The following SUGCT variants were observed in gnomAD, a reference collection of about 807,000 sequenced individuals.
The protein encoded by SUGCT is succinyl-CoA:glutarate-CoA transferase.
Under a neutral mutation model 55.0 loss-of-function variants are expected in SUGCT, and 41 were observed. The observed-to-expected ratio is 0.74, with a 90% confidence interval of 0.58 to 0.97. SUGCT has a LOEUF of 0.97. SUGCT is among the 50% of genes least tolerant of loss of function. The pLI, the probability that SUGCT is intolerant of heterozygous loss-of-function variation, is 0.00. For synonymous variants in SUGCT, 187 were observed against 200.4 expected (o/e 0.93, Z 0.56); for missense variants, 568 against 547.8 (o/e 1.04, Z -0.37).
the SUGCT span, among the ~76,000 whole-genome samples, chr7:40,956,084 A>T: frequency 6.6e-6 from 1 of 152,074 alleles, no homozygotes; most frequent in Non-Finnish European, 1.5e-5. Flanking sequence ...TTGGCCTGAA[A>T]TTTTCTTTTT....
intron 12 of SUGCT, among the ~76,000 whole-genome samples, chr7:40,726,605 A>G (rs932147094): frequency 6.6e-6 from 1 of 152,228 alleles, no homozygotes; most frequent in Non-Finnish European, 1.5e-5. Flanking sequence ...TTAGGTGTTT[A>G]TAAAGGCCAA....
At chr7:40,217,015 C>G (rs1401153471) in intron 6 of SUGCT, among the ~76,000 whole-genome samples, 1 of 152,030 alleles carries the variant, frequency 6.6e-6, no homozygotes, top group South Asian at 2.1e-4. Flanking sequence ...CATTTCCCCC[C>G]CCTCAGTCTT....
At chr7:40,787,712 C>G (rs1018613271) in intron 13 of SUGCT, among the ~76,000 whole-genome samples, 1 of 141,936 alleles carries the variant, frequency 7.0e-6, no homozygotes, top group Non-Finnish European at 1.5e-5. Context: ...CTCTCTCTAG[C>G]CAAAGAACCA....
chr7:40,383,488 C>T (rs771608807), intron 9 of SUGCT, among the ~76,000 whole-genome samples: 15 of 152,150 alleles, frequency 9.9e-5, no homozygotes, highest in Non-Finnish European at 2.1e-4. Flanking sequence ...TTACAAAGTA[C>T]TTACTATATA....
intron 7 of SUGCT, among the ~76,000 whole-genome samples, chr7:40,245,991 C>T (rs1015150252): frequency 9.2e-5 from 14 of 151,936 alleles, no homozygotes; most frequent in Admixed American, 2.0e-4. Flanking sequence ...CATGCCATCA[C>T]GCTCAGCTAA....
At chr7:41,013,717 G>T in the SUGCT span, among the ~76,000 whole-genome samples, 324 of 151,662 alleles carry the variant, frequency 2.1e-3, 1 homozygote, top group African/African-American at 7.4e-3. Flanking sequence ...ATAAAGTTTT[G>T]ATCAGGACAC....
intron 12 of SUGCT, among the ~76,000 whole-genome samples, chr7:40,583,457 C>T (rs929053802): frequency 6.6e-6 from 1 of 151,790 alleles, no homozygotes; most frequent in South Asian, 2.1e-4. Flanking sequence ...ATATCCTTTC[C>T]GTTGGTAGTT....
the SUGCT span, among the ~76,000 whole-genome samples, chr7:40,984,775 T>G: frequency 3.9e-5 from 6 of 152,178 alleles, no homozygotes; most frequent in South Asian, 1.2e-3. Flanking sequence ...GATGCTGTTT[T>G]TTGTTTGTTT....
the SUGCT span, among the ~76,000 whole-genome samples, chr7:41,034,717 T>G: frequency 1.3e-5 from 2 of 152,212 alleles, no homozygotes; most frequent in Non-Finnish European, 2.9e-5. Context: ...TCATCCTTCT[T>G]AGCTTCTTTT....
intron 1 of SUGCT, among the ~76,000 whole-genome samples, chr7:40,143,068 T>C (rs1438546284): frequency 6.6e-6 from 1 of 152,184 alleles, no homozygotes; most frequent in Admixed American, 6.5e-5. Flanking sequence ...GAAAGACCCA[T>C]AAGAGGCTTC....
intron 11 of SUGCT, among the ~76,000 whole-genome samples, chr7:40,466,303 C>T (rs1203972780): frequency 6.6e-6 from 1 of 152,214 alleles, no homozygotes; most frequent in Non-Finnish European, 1.5e-5. Context: ...CCCAGTGCTA[C>T]TACTTTTAAT....
chr7:40,723,181 G>C (rs967931523), intron 12 of SUGCT, among the ~76,000 whole-genome samples: 2 of 151,712 alleles, frequency 1.3e-5, no homozygotes, highest in African/African-American at 4.8e-5. Context: ...TAGGCACTCA[G>C]CTGGCTCTGT....
chr7:40,333,973 A>T (rs1373364402), intron 9 of SUGCT, among the ~76,000 whole-genome samples: 1 of 151,790 alleles, frequency 6.6e-6, no homozygotes, highest in Non-Finnish European at 1.5e-5. Context: ...TCATTGTTCA[A>T]TTCCCACCTA....
At chr7:40,304,633 AT>A (rs1794744258) in intron 8 of SUGCT, among the ~76,000 whole-genome samples, 3 of 150,754 alleles carry the variant, frequency 2.0e-5, no homozygotes, top group African/African-American at 7.3e-5. Context: ...TATCATTCTT[AT>A]GTCTTTGCAT....
intron 12 of SUGCT, among the ~76,000 whole-genome samples, chr7:40,565,165 A>C (rs1239235638): frequency 6.6e-6 from 1 of 152,222 alleles, no homozygotes; most frequent in East Asian, 1.9e-4. Context: ...TCCTTTTAGT[A>C]GCGTTCTCTC....
chr7:40,829,096 C>A (rs545017090), intron 13 of SUGCT, among the ~76,000 whole-genome samples: 2 of 152,300 alleles, frequency 1.3e-5, no homozygotes, highest in African/African-American at 4.8e-5. Flanking sequence ...GACAGTCCCA[C>A]CAGTGCCATG....
intron 1 of SUGCT, among the ~76,000 whole-genome samples, chr7:40,166,886 CAAA>C (rs34209472): frequency 2.2e-4 from 26 of 118,712 alleles, no homozygotes; most frequent in Admixed American, 3.5e-4. Flanking sequence ...GACTCCACCT[CAAA>C]AAAAAAAAAA....
intron 12 of SUGCT, among the ~76,000 whole-genome samples, chr7:40,505,882 T>C (rs1164182466): frequency 6.6e-6 from 1 of 152,128 alleles, no homozygotes; most frequent in Non-Finnish European, 1.5e-5. Context: ...ATGGTATCTT[T>C]TTCTTATTTC....
chr7:40,448,877 TATAC>T (rs753343945), intron 9 of SUGCT, among the ~76,000 whole-genome samples: 3 of 151,912 alleles, frequency 2.0e-5, no homozygotes, highest in African/African-American at 4.8e-5. Context: ...CACACTCATA[TATAC>T]ATACATACAT....
Sources: gnomAD v4.1 joint callset for allele counts (sites outside exome capture counted in the v4.1 genomes callset) on GRCh38, gnomAD v4.1.1 for gene constraint, MANE v1.5 for transcripts, NCBI Gene and HGNC (gene_info 2026-07-23, HGNC 2026-07-21) for gene names.